TMEM132D: variants seen among roughly 807,000 people sequenced by gnomAD.
The protein encoded by TMEM132D is transmembrane protein 132D, also known as mature OL transmembrane protein.
A neutral mutation model predicts 62.3 loss-of-function variants in TMEM132D; 21 were observed. The observed-to-expected ratio is 0.34, with a 90% confidence interval of 0.24 to 0.49. TMEM132D has a LOEUF of 0.49. Ranked by LOEUF, TMEM132D falls within the 20% of genes least tolerant of loss-of-function variation. The pLI is 0.99. For missense variants in TMEM132D, 1,346 were observed against 1,402.8 expected (o/e 0.96, Z 0.65); for synonymous variants, 621 against 575.6 (o/e 1.08, Z -1.13).
intron 4 of TMEM132D, among the ~76,000 whole-genome samples, chr12:129,302,555 G>A (rs1486741409): frequency 6.6e-6 from 1 of 152,236 alleles, no homozygotes; most frequent in Non-Finnish European, 1.5e-5. Flanking sequence ...GCAGGCTGGA[G>A]TCTGTGGGTC....
At chr12:129,412,598 T>C (rs1238830141) in intron 3 of TMEM132D, among the ~76,000 whole-genome samples, 5 of 152,156 alleles carry the variant, frequency 3.3e-5, no homozygotes, top group Non-Finnish European at 7.3e-5. Flanking sequence ...GGCTCACACC[T>C]GTAATCTCAG....
At chr12:129,393,340 T>C (rs1341672116) in intron 3 of TMEM132D, among the ~76,000 whole-genome samples, 1 of 152,212 alleles carries the variant, frequency 6.6e-6, no homozygotes, top group Non-Finnish European at 1.5e-5. Context: ...ATCCAGGATG[T>C]TGTTTAAAAG....
At chr12:129,429,263 T>C (rs1211361541) in intron 3 of TMEM132D, among the ~76,000 whole-genome samples, 1 of 152,194 alleles carries the variant, frequency 6.6e-6, no homozygotes, top group Non-Finnish European at 1.5e-5. Flanking sequence ...GGATTCAGAG[T>C]TAGACGAGCT....
At chr12:129,780,102 C>T (rs1029165840) in intron 1 of TMEM132D, among the ~76,000 whole-genome samples, 2 of 152,204 alleles carry the variant, frequency 1.3e-5, no homozygotes, top group East Asian at 1.9e-4. Context: ...TTCTCCCACA[C>T]CCACCCGCAA....
At chr12:129,327,724 T>C (rs928113080) in intron 4 of TMEM132D, among the ~76,000 whole-genome samples, 1 of 152,234 alleles carries the variant, frequency 6.6e-6, no homozygotes, top group Non-Finnish European at 1.5e-5. Flanking sequence ...TGTCATCCTT[T>C]CTACCTGGAC....
intron 4 of TMEM132D, among the ~76,000 whole-genome samples, chr12:129,263,696 G>A (rs1217566684): frequency 6.6e-6 from 1 of 152,058 alleles, no homozygotes; most frequent in East Asian, 1.9e-4. Context: ...AGGCATTTTG[G>A]GGATGTGTGG....
chr12:129,086,940 A>G (rs550113677), intron 5 of TMEM132D, among the ~76,000 whole-genome samples: 2 of 152,210 alleles, frequency 1.3e-5, no homozygotes, highest in East Asian at 3.9e-4. Flanking sequence ...TGTTTTCCAT[A>G]ATTAATTTTC....
chr12:129,259,080 C>A (rs1447988350), intron 4 of TMEM132D, among the ~76,000 whole-genome samples: 4 of 152,190 alleles, frequency 2.6e-5, no homozygotes, highest in Non-Finnish European at 4.4e-5. Flanking sequence ...GTTGTAGACA[C>A]TCCAGGGCCT....
intron 1 of TMEM132D, among the ~76,000 whole-genome samples, chr12:129,880,095 A>C (rs953434127): frequency 2.0e-5 from 3 of 152,170 alleles, no homozygotes; most frequent in African/African-American, 7.2e-5. Flanking sequence ...AAAAAAGAAA[A>C]AGAGAAAATG....
At position 129,074,492 on chromosome 12, in the gene TMEM132D, G is replaced by T. The variant is rs1165997553; in HGVS notation, c.2683C>A (p.Pro895Thr). Residue 895 changes from proline to threonine, a missense_variant, in exon 9 of 9, where the codon CCC (proline) becomes ACC (threonine). Transcript: ENST00000422113. ...CCATCCATTTCCCCATTGCTTCTGG[G>T]GAGGTCCACCTGGGCTGGGAAGCTG... ...LTSFPAQVDL[P>T]RSNGEMDGND... is the part of the protein sequence containing the mutation. 4.3e-6 allele frequency: 7 copies of T among 1,614,010 alleles called. No individual in the cohort carries two copies. Among genetic ancestry groups the T allele is most frequent in the Non-Finnish European group, 5.9e-6 (7 of 1,180,062 alleles).
intron 2 of TMEM132D, among the ~76,000 whole-genome samples, chr12:129,606,168 G>A (rs1878620300): frequency 3.3e-5 from 5 of 152,186 alleles, no homozygotes; most frequent in African/African-American, 7.2e-5. Flanking sequence ...GGGTAGAACA[G>A]TACCTCGATT....
intron 5 of TMEM132D, among the ~76,000 whole-genome samples, chr12:129,118,021 G>A (rs936404380): frequency 6.6e-6 from 1 of 152,214 alleles, no homozygotes; most frequent in East Asian, 1.9e-4. Context: ...TGTTGCTACT[G>A]GTATTTTGTG....
intron 3 of TMEM132D, among the ~76,000 whole-genome samples, chr12:129,435,840 C>A (rs1006477524): frequency 6.6e-6 from 1 of 152,154 alleles, no homozygotes; most frequent in East Asian, 1.9e-4. Context: ...ATATGATTAT[C>A]AAATATCGTT....
chr12:129,476,626 C>A (rs893732563), intron 3 of TMEM132D, among the ~76,000 whole-genome samples: 3 of 152,228 alleles, frequency 2.0e-5, no homozygotes, highest in Admixed American at 6.5e-5. Context: ...GAAGGAGGAC[C>A]CACCTGAGCC....
At chr12:129,293,679 C>T (rs970513615) in intron 4 of TMEM132D, among the ~76,000 whole-genome samples, 3 of 152,138 alleles carry the variant, frequency 2.0e-5, no homozygotes, top group South Asian at 4.1e-4. Context: ...TCACAAGGAG[C>T]GTGCAACCTA....
rs905709190 is a variant in TMEM132D at position 129,901,457 on chromosome 12, G to T, written c.79+1804C>A. On this transcript the variant is annotated intron_variant, in intron 1 of 8. Coordinates refer to ENST00000422113, the MANE Select transcript of TMEM132D (RefSeq NM_133448.3). ...ACCATGTGCTCAGACTCTGCTAATTGCTGTACAAAGTCTCCACACAGAACT... is the reference window on the plus strand; with the variant it reads ...ACCATGTGCTCAGACTCTGCTAATTTCTGTACAAAGTCTCCACACAGAACT... Among the ~76,000 whole-genome samples, 6 of 152,238 alleles carry T rather than the reference G, an allele frequency of 3.9e-5. 1 individual carries two copies. Among genetic ancestry groups the T allele is most frequent in the Admixed American group, 3.3e-4 (5 of 15,296 alleles).
At chr12:129,847,033 C>A (rs1454810737) in intron 1 of TMEM132D, among the ~76,000 whole-genome samples, 1 of 152,030 alleles carries the variant, frequency 6.6e-6, no homozygotes, top group Non-Finnish European at 1.5e-5. Context: ...GTTAATTTAC[C>A]CCAGAGAGAA....
chr12:129,233,148 G>C (rs986781829), intron 4 of TMEM132D, among the ~76,000 whole-genome samples: 2 of 152,050 alleles, frequency 1.3e-5, no homozygotes, highest in Admixed American at 1.3e-4. Context: ...TATTTATTTT[G>C]TTTATTTATG....
At chr12:129,644,996 A>AAG (rs1220742110) in intron 2 of TMEM132D, among the ~76,000 whole-genome samples, 1 of 151,310 alleles carries the variant, frequency 6.6e-6, no homozygotes, top group Non-Finnish European at 1.5e-5. Flanking sequence ...AAAAAAAAAA[A>AAG]AAAAAAAAAA....
Sources: allele counts gnomAD v4.1 joint callset (sites outside exome capture counted in the v4.1 genomes callset), GRCh38; gene constraint gnomAD v4.1.1; transcripts MANE v1.5; gene names NCBI Gene and HGNC (gene_info 2026-07-23, HGNC 2026-07-21).